SPAG16: variants seen among roughly 807,000 people sequenced by gnomAD.
SPAG16 encodes sperm-associated antigen 16 protein.
A neutral mutation model predicts 80.4 loss-of-function variants in SPAG16; 86 were observed. That is an observed-to-expected ratio of 1.07 (90% CI 0.90 to 1.28). The LOEUF (loss-of-function observed/expected upper bound fraction) is 1.28. SPAG16 is among the 50% of genes most tolerant of loss of function. SPAG16 has a pLI of 0.00. For missense variants in SPAG16, 870 were observed against 765.3 expected, an observed-to-expected ratio of 1.14 and a Z score of -1.61; for synonymous variants, 294 against 265.9, an observed-to-expected ratio of 1.11 and a Z score of -1.03.
At chr2:213,771,763 C>T (rs117362940) in intron 10 of SPAG16, among the ~76,000 whole-genome samples, 4,490 of 152,042 alleles carry the variant, frequency 0.03, 74 homozygotes, top group East Asian at 0.073. Flanking sequence ...TGATCATAGA[C>T]GTGCAGTCTT....
At position 213,437,052 on chromosome 2, in the gene SPAG16, C is replaced by G. The variant is rs1204687303; in HGVS notation, c.943-52911C>G. Among the ~76,000 whole-genome samples, 3 of 152,046 alleles carry G rather than the reference C, an allele frequency of 2.0e-5. No homozygotes were observed. In the East Asian group the frequency reaches 5.8e-4, roughly 29 times the overall value. ...TCAGCCTCCCAAGTAGCTGGGATTACAGGCACCCACCACCGCGCCCGGCTA... is the reference window on the plus strand; with the variant it reads ...TCAGCCTCCCAAGTAGCTGGGATTAGAGGCACCCACCACCGCGCCCGGCTA... On this transcript the variant is annotated intron_variant, in intron 9 of 15. Coordinates refer to ENST00000331683, the MANE Select transcript of SPAG16 (RefSeq NM_024532.5).
chr2:213,648,632 A>G (rs982079384), intron 10 of SPAG16, among the ~76,000 whole-genome samples: 8 of 152,228 alleles, frequency 5.3e-5, no homozygotes, highest in Middle Eastern at 3.4e-3. Context: ...TTACTAAGGC[A>G]TGCACATCAA....
intron 9 of SPAG16, among the ~76,000 whole-genome samples, chr2:213,457,515 G>A (rs2072091882): frequency 6.6e-6 from 1 of 152,160 alleles, no homozygotes; most frequent in South Asian, 2.1e-4. Context: ...TATAGTTTGA[G>A]GCAACATGCA....
At chr2:213,976,133 TATACAC>T (rs201200913) in intron 12 of SPAG16, among the ~76,000 whole-genome samples, 29,094 of 120,328 alleles carry the variant, frequency 0.24, 3,498 homozygotes, top group South Asian at 0.5. Flanking sequence ...TATATATATA[TATACAC>T]ACACACACAC....
chr2:213,594,143 A>G (rs995007834), intron 10 of SPAG16, among the ~76,000 whole-genome samples: 1 of 152,010 alleles, frequency 6.6e-6, no homozygotes, highest in African/African-American at 2.4e-5. Context: ...AATGCATCAC[A>G]TTCTTTCCAT....
At chr2:213,385,334 C>T (rs2067370787) in intron 9 of SPAG16, among the ~76,000 whole-genome samples, 1 of 152,110 alleles carries the variant, frequency 6.6e-6, no homozygotes, top group African/African-American at 2.4e-5. Context: ...TACCAGTTTC[C>T]TTTCTAGGGT....
At chr2:214,259,793 G>A (rs149925751) in intron 15 of SPAG16, among the ~76,000 whole-genome samples, 1 of 152,216 alleles carries the variant, frequency 6.6e-6, no homozygotes, top group African/African-American at 2.4e-5. Context: ...TTCCCACAAT[G>A]TGTGTTTGCA....
At chr2:214,217,173 G>A (rs1374611799) in intron 15 of SPAG16, among the ~76,000 whole-genome samples, 2 of 152,160 alleles carry the variant, frequency 1.3e-5, no homozygotes, top group Non-Finnish European at 2.9e-5. Context: ...TATAAAAAGA[G>A]CAAGGCACAA....
intron 13 of SPAG16, among the ~76,000 whole-genome samples, chr2:214,076,513 C>CTGTGTGTGTG (rs71399105): frequency 1.4e-5 from 2 of 143,348 alleles, no homozygotes; most frequent in Admixed American, 6.9e-5. Context: ...TTATTTTATT[C>CTGTGTGTGTG]TGTGTGTGTG....
chr2:214,101,477 G>C, intron 13 of SPAG16, among the ~76,000 whole-genome samples: 1 of 151,984 alleles, frequency 6.6e-6, no homozygotes, highest in East Asian at 1.9e-4. Context: ...ATTAACTGCT[G>C]AAAATGCGAA....
intron 9 of SPAG16, among the ~76,000 whole-genome samples, chr2:213,398,728 C>A (rs192592120): frequency 3.9e-4 from 59 of 152,180 alleles, no homozygotes; most frequent in African/African-American, 1.3e-3. Context: ...TTTCTTTTTG[C>A]CTATCTTACA....
rs148575036 is a variant in SPAG16, at chr2:213,945,536, T to C, written c.1400+15391T>C. 9.8e-3 allele frequency among the ~76,000 whole-genome samples: 1,493 copies of C among 152,102 alleles called. 32 individuals carry two copies. Among genetic ancestry groups the C allele is most frequent in the African/African-American group, 0.034 (1,419 of 41,486 alleles). On this transcript the variant is annotated intron_variant, in intron 12 of 15. Coordinates refer to ENST00000331683, the MANE Select transcript of SPAG16 (RefSeq NM_024532.5). ...GGGAGGCTAGGCCAGTCTCGACTTT[T>C]CATGTTTTTCTGCCTGCTTTATATT...
At position 214,316,033 on chromosome 2, in the gene SPAG16, T is replaced by C. The variant is rs993029372; in HGVS notation, c.1721-94107T>C. 9.2e-5 allele frequency among the ~76,000 whole-genome samples: 14 copies of C among 152,310 alleles called. No homozygotes were observed. The South Asian group carries it at 1.0e-3, about 11-fold the overall frequency. On this transcript the variant is annotated intron_variant, in intron 15 of 15. Transcript: ENST00000331683. ...GCTTCTTTTGTTCATGAAGGATTAA[T>C]AGAGAAGAGGTGATTTTTCAGTCTT...
At chr2:213,755,051 A>G (rs950241619) in intron 10 of SPAG16, among the ~76,000 whole-genome samples, 2 of 152,340 alleles carry the variant, frequency 1.3e-5, no homozygotes, top group South Asian at 4.1e-4. Context: ...AGGCATAGGG[A>G]TCAAATGATA....
intron 14 of SPAG16, among the ~76,000 whole-genome samples, chr2:214,135,723 GTC>G (rs372301135): frequency 0.016 from 2,255 of 144,674 alleles, 40 homozygotes; most frequent in African/African-American, 0.047. Flanking sequence ...CTGTCTCTCT[GTC>G]TCTCTCTCTC....
At chr2:213,643,575 A>G (rs1443767051) in intron 10 of SPAG16, among the ~76,000 whole-genome samples, 1 of 148,796 alleles carries the variant, frequency 6.7e-6, no homozygotes, top group African/African-American at 2.5e-5. Context: ...GTTCTCCGTT[A>G]TTATCCCATT....
intron 15 of SPAG16, among the ~76,000 whole-genome samples, chr2:214,352,469 T>C (rs891967068): frequency 6.6e-6 from 1 of 151,388 alleles, no homozygotes; most frequent in Non-Finnish European, 1.5e-5. Context: ...TTAGACTTTC[T>C]TCAGTCTTGA....
chr2:213,523,197 C>G (rs1321624346), intron 10 of SPAG16, among the ~76,000 whole-genome samples: 1 of 152,106 alleles, frequency 6.6e-6, no homozygotes, highest in Non-Finnish European at 1.5e-5. Context: ...TGAGGGATTT[C>G]TTACAGGATC....
intron 10 of SPAG16, among the ~76,000 whole-genome samples, chr2:213,665,440 C>T (rs2063567533): frequency 6.6e-6 from 1 of 151,972 alleles, no homozygotes; most frequent in South Asian, 2.1e-4. Context: ...GATTATTTCC[C>T]TATTAAGGGA....
Sources: allele counts gnomAD v4.1 joint callset (sites outside exome capture counted in the v4.1 genomes callset), GRCh38; gene constraint gnomAD v4.1.1; transcripts MANE v1.5; gene names NCBI Gene and HGNC (gene_info 2026-07-23, HGNC 2026-07-21).